ABCA9: variants seen among roughly 807,000 people sequenced by gnomAD.
The protein encoded by ABCA9 is ATP-binding cassette sub-family A member 9.
A neutral mutation model predicts 205.3 loss-of-function variants in ABCA9; 183 were observed. The observed-to-expected ratio is 0.89, with a 90% CI of 0.79 to 1.01. ABCA9 has a LOEUF of 1.01. ABCA9 is among the 50% of genes least tolerant of loss of function. The pLI is 0.00. For missense variants in ABCA9, 1,805 were observed against 1,912.4 expected (o/e 0.94, Z 1.05); for synonymous variants, 651 against 683.3 (o/e 0.95, Z 0.74).
At chr17:69,067,391 C>G in the ABCA9 span, among the ~76,000 whole-genome samples, 1 of 151,080 alleles carries the variant, frequency 6.6e-6, no homozygotes, top group East Asian at 1.9e-4. Context: ...ACAAAAAATA[C>G]CAAAAAATCA....
chr17:68,989,292 A>ACACACACC (rs2069365707), intron 30 of ABCA9, among the ~76,000 whole-genome samples, 174 bp from the exon 31 acceptor site: 1 of 149,242 alleles, frequency 6.7e-6, no homozygotes, highest in East Asian at 1.9e-4. Context: ...ACACACACAC[A>ACACACACC]CACCCCTGAG....
intron 22 of ABCA9, 138 bp from the exon 23 acceptor site, chr17:69,012,221 A>C: frequency 1.8e-6 from 1 of 552,910 alleles, no homozygotes; most frequent in Non-Finnish European, 3.2e-6. Context: ...GCAACTTCTT[A>C]CCCACATTCA....
chr17:69,022,526 G>A (rs1358945305), intron 17 of ABCA9: 1 of 149,200 alleles, frequency 6.7e-6, no homozygotes, highest in Non-Finnish European at 1.5e-5. Context: ...GTGTATGTGT[G>A]TGTGTGTGTG....
Position 68,989,050 on chromosome 17 carries a change from C to A in ABCA9, c.4024G>T (p.Asp1342Tyr), listed in dbSNP as rs776715365. 1.9e-6 allele frequency: 3 copies of A among 1,612,820 alleles called. No homozygotes were observed. Among genetic ancestry groups the A allele is most frequent in the Non-Finnish European group, 2.5e-6 (3 of 1,179,126 alleles). Reference sequence around the variant, plus strand: ...ACCTGTCCTGCAGTTGGTTTTGTGTCTCCAGTTATCATCTTAATAGTTGTA... The same window carrying A: ...ACCTGTCCTGCAGTTGGTTTTGTGTATCCAGTTATCATCTTAATAGTTGTA... ...KSTTIKMITGDTKPTAGQVIL... is the reference protein window; with the variant it reads ...KSTTIKMITGYTKPTAGQVIL... Residue 1342 changes from aspartate to tyrosine, a missense_variant, in exon 31 of 39, where the codon GAC becomes TAC. Physicochemically the swap from Asp to Tyr is radical, Grantham distance 160 (BLOSUM62 -3). Transcript: ENST00000340001.
intron 30 of ABCA9, 134 bp from the exon 31 acceptor site, chr17:68,989,252 T>TCA: frequency 2.3e-6 from 1 of 440,260 alleles, no homozygotes; most frequent in Admixed American, 3.6e-5. Flanking sequence ...CCTCTCTCTC[T>TCA]CTCTCACACA....
At chr17:68,980,925 A>T (rs1005409743) in intron 37 of ABCA9, among the ~76,000 whole-genome samples, 3 of 146,912 alleles carry the variant, frequency 2.0e-5, no homozygotes, top group African/African-American at 5.5e-5. Context: ...AATATAAAAA[A>T]ACTAAAAAAA....
intron 25 of ABCA9, among the ~76,000 whole-genome samples, chr17:69,002,393 G>A (rs1434162841): frequency 5.8e-5 from 7 of 120,462 alleles, no homozygotes; most frequent in Non-Finnish European, 1.0e-4. Context: ...AGTCATTCAG[G>A]AGCAGGTTGT....
At chr17:69,029,018 G>A (rs1014928883) in intron 11 of ABCA9, 151 bp downstream of exon 11, 48 of 452,438 alleles carry the variant, frequency 1.1e-4, no homozygotes, top group Middle Eastern at 5.8e-4. Context: ...TTGTTTTATG[G>A]GTTTTTTTTT....
At chr17:68,983,561 G>T in intron 36 of ABCA9, 148 bp downstream of exon 36, 1 of 1,116,688 alleles carries the variant, frequency 9.0e-7, no homozygotes, top group Non-Finnish European at 1.3e-6. Context: ...TCTTGTGTGA[G>T]CCCTTGGAAT....
chr17:69,048,131 G>T (rs1294745289), intron 3 of ABCA9, among the ~76,000 whole-genome samples: 1 of 152,102 alleles, frequency 6.6e-6, no homozygotes, highest in Non-Finnish European at 1.5e-5. Context: ...GGGGGAAATT[G>T]CTCCCATGAT....
At chr17:68,992,882 C>A in intron 27 of ABCA9, 134 bp downstream of exon 27, 1 of 620,492 alleles carries the variant, frequency 1.6e-6, no homozygotes, top group Non-Finnish European at 2.8e-6. Context: ...CGCATGCATG[C>A]ATGTGCATGT....
chr17:69,027,382 C>T lies in ABCA9; in HGVS notation c.1859G>A (p.Gly620Asp). The change falls in exon 14 of 39, where the codon GGT becomes GAT. Residue 620 changes from glycine (G) to aspartate (D), a missense_variant. Transcript: ENST00000340001. ...IQDILAQNLS[G>D]GQNRKLTFGI... ...AAAAGTTAGTTTCCTATTTTGTCCA[C>T]CACTTAAGTTTTGAGCAAGGATGTC... The T allele has an allele frequency of 6.2e-7, 1 of 1,613,336 alleles. No individual in the cohort carries two copies. The highest frequency in any genetic ancestry group is 8.5e-7 in the Non-Finnish European group (1 of 1,179,624).
intron 34 of ABCA9, among the ~76,000 whole-genome samples, 168 bp downstream of exon 34, chr17:68,984,717 T>A (rs1159610049): frequency 6.6e-6 from 1 of 152,258 alleles, no homozygotes; most frequent in Non-Finnish European, 1.5e-5. Flanking sequence ...TATAGCTTTT[T>A]CTTCTCAATA....
chr17:69,069,748 A>G, the ABCA9 span, among the ~76,000 whole-genome samples: 13 of 152,122 alleles, frequency 8.5e-5, no homozygotes, highest in East Asian at 1.5e-3. Flanking sequence ...TTTCAGAATC[A>G]TTAATCTGCT....
the ABCA9 span, among the ~76,000 whole-genome samples, chr17:69,069,816 T>C: frequency 6.6e-6 from 1 of 152,222 alleles, no homozygotes; most frequent in Non-Finnish European, 1.5e-5. Context: ...CATATTATGA[T>C]ATTTTTAGCA....
At chr17:69,027,271 TAATAA>T in intron 14 of ABCA9, 54 bp downstream of exon 14, 1 of 1,577,140 alleles carries the variant, frequency 6.3e-7, no homozygotes, top group Non-Finnish European at 8.6e-7. Flanking sequence ...TTGTTTGACC[TAATAA>T]AATAATTTTA....
At chr17:69,066,099 G>A in the ABCA9 span, among the ~76,000 whole-genome samples, 2 of 152,156 alleles carry the variant, frequency 1.3e-5, no homozygotes, top group Non-Finnish European at 2.9e-5. Flanking sequence ...ACGTGAGAAC[G>A]AACTGATACC....
intron 4 of ABCA9, 37 bp from the exon 5 acceptor site, chr17:69,044,637 T>G (rs1219688468): frequency 6.3e-7 from 1 of 1,587,596 alleles, no homozygotes; most frequent in South Asian, 1.1e-5. Context: ...TACGGAATGA[T>G]ACAATCTTGG....
At chr17:68,998,712 T>G (rs368739357) in intron 25 of ABCA9, among the ~76,000 whole-genome samples, 1 of 152,106 alleles carries the variant, frequency 6.6e-6, no homozygotes, top group East Asian at 1.9e-4. Flanking sequence ...TCTTGCTGAT[T>G]ATGGGGATTA....
Sources: allele counts gnomAD v4.1 joint callset (sites outside exome capture counted in the v4.1 genomes callset), GRCh38; gene constraint gnomAD v4.1.1; transcripts MANE v1.5; gene names NCBI Gene and HGNC (gene_info 2026-07-23, HGNC 2026-07-21).